The following KCNH7 variants were observed in gnomAD, a reference collection of about 807,000 sequenced individuals.
KCNH7 encodes the protein voltage-gated inwardly rectifying potassium channel KCNH7.
A neutral mutation model predicts 120.8 loss-of-function variants in KCNH7; 49 were observed. The observed-to-expected ratio is 0.41, with a 90% CI of 0.32 to 0.51. The LOEUF is 0.51. KCNH7 is among the 20% of genes least tolerant of loss of function. KCNH7 has a pLI of 0.38. For missense variants in KCNH7, 1,097 were observed against 1,446.6 expected (o/e 0.76, Z 3.92); for synonymous variants, 547 against 516.1 (o/e 1.06, Z -0.81).
At chr2:162,658,209 T>C (rs998971474) in intron 2 of KCNH7, among the ~76,000 whole-genome samples, 1 of 151,984 alleles carries the variant, frequency 6.6e-6, no homozygotes, top group Non-Finnish European at 1.5e-5. Context: ...TTTATTTGTG[T>C]GGACATCCAG....
At chr2:162,421,627 G>A (rs1008603527) in intron 9 of KCNH7, among the ~76,000 whole-genome samples, 2 of 152,130 alleles carry the variant, frequency 1.3e-5, no homozygotes, top group South Asian at 2.1e-4. Context: ...TGTTCTTACC[G>A]GTGGGTGTTG....
At chr2:162,713,704 A>G (rs1297247083) in intron 2 of KCNH7, among the ~76,000 whole-genome samples, 1 of 152,154 alleles carries the variant, frequency 6.6e-6, no homozygotes, top group African/African-American at 2.4e-5. Flanking sequence ...TGAACCACAC[A>G]TATAGAGTAA....
chr2:162,609,962 G>A (rs1394337337), intron 2 of KCNH7, among the ~76,000 whole-genome samples: 2 of 152,186 alleles, frequency 1.3e-5, no homozygotes, highest in Non-Finnish European at 2.9e-5. Context: ...GTCTCTAGGA[G>A]GGTTCAGATT....
intron 2 of KCNH7, among the ~76,000 whole-genome samples, chr2:162,607,380 A>T (rs893273203): frequency 1.3e-5 from 2 of 151,538 alleles, no homozygotes; most frequent in African/African-American, 2.4e-5. Context: ...ACAGGGTGAG[A>T]CTCAGTCTCA....
At chr2:162,690,367 C>T (rs1194527213) in intron 2 of KCNH7, among the ~76,000 whole-genome samples, 1 of 151,114 alleles carries the variant, frequency 6.6e-6, no homozygotes, top group Non-Finnish European at 1.5e-5. Context: ...CACTTGTACC[C>T]ATGAACTTAA....
chr2:162,824,159 GA>G (rs2105599957), intron 2 of KCNH7, among the ~76,000 whole-genome samples: 1 of 152,196 alleles, frequency 6.6e-6, no homozygotes, highest in African/African-American at 2.4e-5. Context: ...ATTCTTCAGA[GA>G]AAAATTCATC....
intron 2 of KCNH7, among the ~76,000 whole-genome samples, chr2:162,586,664 C>CTTTTTTTTTTT (rs71410017): frequency 7.5e-6 from 1 of 133,870 alleles, no homozygotes. Context: ...GGTTTCTTTC[C>CTTTTTTTTTTT]TTTTTTTTTT....
chr2:162,821,719 A>G (rs1173037838), intron 2 of KCNH7, among the ~76,000 whole-genome samples: 2 of 152,204 alleles, frequency 1.3e-5, no homozygotes, highest in Non-Finnish European at 2.9e-5. Context: ...CGATCACCTT[A>G]ACTGTGGTGC....
chr2:162,526,128 C>A (rs187216284), intron 3 of KCNH7, among the ~76,000 whole-genome samples: 94 of 151,848 alleles, frequency 6.2e-4, no homozygotes, highest in African/African-American at 2.2e-3. Context: ...TCCGTGATGC[C>A]CCCTGAGCTG....
Position 162,760,972 on chromosome 2 carries a change from G to T in KCNH7, c.307+75565C>A, listed in dbSNP as rs114617818. ...TAATTACAATTGCTCTATCATTCTAGTTGCTTGGCTGTGATTTCTAAGTTT... is the reference window on the plus strand; with the variant it reads ...TAATTACAATTGCTCTATCATTCTATTTGCTTGGCTGTGATTTCTAAGTTT... On this transcript the variant is annotated intron_variant, in intron 2 of 15. Transcript: ENST00000332142. 8.7e-3 allele frequency among the ~76,000 whole-genome samples: 1,331 copies of T among 152,124 alleles called. 22 individuals are homozygous for T. The highest frequency in any genetic ancestry group is 0.029 in the African/African-American group (1,195 of 41,502).
intron 2 of KCNH7, among the ~76,000 whole-genome samples, chr2:162,564,304 G>A (rs1445303806): frequency 6.6e-6 from 1 of 151,914 alleles, no homozygotes; most frequent in Non-Finnish European, 1.5e-5. Flanking sequence ...GAGTTTAAAT[G>A]ACTTGACAAA....
At chr2:162,534,478 C>T (rs983463072) in intron 3 of KCNH7, among the ~76,000 whole-genome samples, 1 of 151,024 alleles carries the variant, frequency 6.6e-6, no homozygotes, top group Non-Finnish European at 1.5e-5. Context: ...TTGCATAATT[C>T]TATTAAAACA....
intron 2 of KCNH7, among the ~76,000 whole-genome samples, chr2:162,822,615 C>T (rs867969): frequency 2.6e-5 from 4 of 151,950 alleles, no homozygotes; most frequent in African/African-American, 7.3e-5. Context: ...ATAGATCAAA[C>T]GGAAACTTGG....
At chr2:162,671,043 G>T (rs2105296015) in intron 2 of KCNH7, among the ~76,000 whole-genome samples, 1 of 152,176 alleles carries the variant, frequency 6.6e-6, no homozygotes, top group East Asian at 1.9e-4. Flanking sequence ...ATACCAGTCA[G>T]AATGGTTATT....
rs192415991 is a variant in KCNH7, at chr2:162,804,402, C to G, written c.307+32135G>C. ...GTCTCAGGTTAAAAAAATCAATATA[C>G]ACAAATCAACAGCACTGCTATATAC... On this transcript the variant is annotated intron_variant, in intron 2 of 15. Transcript: ENST00000332142. Among the ~76,000 whole-genome samples, 594 of 152,008 alleles carry G rather than the reference C, an allele frequency of 3.9e-3. 1 individual carries two copies. The highest frequency in any genetic ancestry group is 0.014 in the African/African-American group (570 of 41,542).
chr2:162,480,643 G>A (rs1478375379), intron 6 of KCNH7, among the ~76,000 whole-genome samples: 1 of 152,044 alleles, frequency 6.6e-6, no homozygotes, highest in African/African-American at 2.4e-5. Flanking sequence ...CAGAAAACAT[G>A]GCTTTTTATT....
intron 13 of KCNH7, 108 bp downstream of exon 13, chr2:162,384,580 T>C: frequency 1.8e-6 from 2 of 1,089,326 alleles, no homozygotes; most frequent in South Asian, 3.0e-5. Flanking sequence ...TTCATGAAGT[T>C]GAGAACAATT....
At chr2:162,372,342 A>T (rs1036593711) in intron 15 of KCNH7, among the ~76,000 whole-genome samples, 2 of 152,092 alleles carry the variant, frequency 1.3e-5, no homozygotes, top group Non-Finnish European at 2.9e-5. Flanking sequence ...AATCAGATTT[A>T]AAAAAATATA....
intron 2 of KCNH7, among the ~76,000 whole-genome samples, chr2:162,581,791 T>C (rs1357270567): frequency 6.6e-6 from 1 of 152,084 alleles, no homozygotes; most frequent in African/African-American, 2.4e-5. Context: ...TATATCTTAC[T>C]TTATTGAAAA....
Sources: gnomAD v4.1 joint callset for allele counts (sites outside exome capture counted in the v4.1 genomes callset) on GRCh38, gnomAD v4.1.1 for gene constraint, MANE v1.5 for transcripts, NCBI Gene and HGNC (gene_info 2026-07-23, HGNC 2026-07-21) for gene names.